The following CHLSN variants were observed in gnomAD, a reference collection of about 807,000 sequenced individuals.
The protein encoded by CHLSN is cholesin.
At chr7:1,096,181 G>A in the CHLSN span, among the ~76,000 whole-genome samples, 10 of 152,186 alleles carry the variant, frequency 6.6e-5, no homozygotes, top group Non-Finnish European at 1.3e-4. The surrounding 1 kb of genome is among the most constrained non-coding windows in gnomAD (Gnocchi z 4.6). Context: ...CCACTACGCC[G>A]CTCCTCTCCG....
At chr7:1,042,937 G>A in the CHLSN span, among the ~76,000 whole-genome samples, 1 of 152,072 alleles carries the variant, frequency 6.6e-6, no homozygotes, top group Non-Finnish European at 1.5e-5. Flanking sequence ...GGGCTAAGTT[G>A]CTTAAGTTTT....
At chr7:1,052,410 G>C in the CHLSN span, among the ~76,000 whole-genome samples, 1 of 152,352 alleles carries the variant, frequency 6.6e-6, no homozygotes, top group South Asian at 2.1e-4. This position sits in a 1 kb window ranked among gnomAD's most constrained non-coding sequence, Gnocchi z 4.2. Flanking sequence ...GTGGGTGGCA[G>C]GTCTTGAGGA....
chr7:1,100,563 A>G, the CHLSN span, among the ~76,000 whole-genome samples: 1 of 152,208 alleles, frequency 6.6e-6, no homozygotes, highest in Non-Finnish European at 1.5e-5. Flanking sequence ...TGCGCCCTCA[A>G]GAAGCCATGG....
chr7:979,460 G>A, the CHLSN span, among the ~76,000 whole-genome samples: 8 of 152,090 alleles, frequency 5.3e-5, no homozygotes, highest in Non-Finnish European at 7.4e-5. Context: ...TTTAAAAAAC[G>A]CAGTGATTTG....
At chr7:1,124,537 G>A in the CHLSN span, among the ~76,000 whole-genome samples, 1 of 134,752 alleles carries the variant, frequency 7.4e-6, no homozygotes, top group African/African-American at 2.8e-5. Flanking sequence ...AGGCTGTGAA[G>A]AAGGAGTGAG....
chr7:1,104,071 G>A, the CHLSN span, among the ~76,000 whole-genome samples: 1 of 152,242 alleles, frequency 6.6e-6, no homozygotes, highest in Non-Finnish European at 1.5e-5. Context: ...GGCACCCACA[G>A]GTTTCGCCCC....
chr7:1,110,825 G>A, the CHLSN span, among the ~76,000 whole-genome samples: 5,090 of 149,890 alleles, frequency 0.034, 279 homozygotes, highest in African/African-American at 0.12. Context: ...AAAAAAAAAA[G>A]CAAAAACCAC....
the CHLSN span, among the ~76,000 whole-genome samples, chr7:1,112,463 G>A: frequency 6.6e-6 from 1 of 152,224 alleles, no homozygotes; most frequent in African/African-American, 2.4e-5. Context: ...CCTGGAGAAA[G>A]AGACCACAGG....
chr7:1,029,025 C>G, the CHLSN span: 1 of 154,420 alleles, frequency 6.5e-6, no homozygotes, highest in African/African-American at 2.4e-5. Context: ...TGGCTGAATA[C>G]GTGGATGAGT....
At chr7:1,136,983 C>A in the CHLSN span, among the ~76,000 whole-genome samples, 1 of 152,182 alleles carries the variant, frequency 6.6e-6, no homozygotes, top group Middle Eastern at 3.2e-3. Context: ...CAAGCCACCA[C>A]CTCTCACGAT....
At chr7:1,006,324 G>T in the CHLSN span, among the ~76,000 whole-genome samples, 7 of 152,062 alleles carry the variant, frequency 4.6e-5, no homozygotes, top group Non-Finnish European at 7.4e-5. Context: ...CCACAGTGCA[G>T]GGAAAGAGCA....
the CHLSN span, chr7:987,202 G>A: frequency 1.3e-6 from 2 of 1,548,336 alleles, no homozygotes; most frequent in Non-Finnish European, 1.7e-6. Context: ...CGGCCACGCT[G>A]CAGTGGGCCG....
the CHLSN span, among the ~76,000 whole-genome samples, chr7:1,070,976 A>G: frequency 1.0e-4 from 15 of 150,714 alleles, no homozygotes; most frequent in Non-Finnish European, 1.9e-4. Context: ...ACACGGGCAC[A>G]TGCACACGGG....
At chr7:987,085 G>A in the CHLSN span, 2 of 1,501,116 alleles carry the variant, frequency 1.3e-6, no homozygotes, top group Non-Finnish European at 1.8e-6. Flanking sequence ...CATCCCACGA[G>A]CCCTGCCCCA....
chr7:1,129,523 G>C, the CHLSN span, among the ~76,000 whole-genome samples: 1 of 152,180 alleles, frequency 6.6e-6, no homozygotes, highest in African/African-American at 2.4e-5. Flanking sequence ...TCGGCTCACT[G>C]CGTCCTCAAA....
chr7:1,016,802 GCAGCA>G, the CHLSN span, among the ~76,000 whole-genome samples: 1 of 64,056 alleles, frequency 1.6e-5, no homozygotes, highest in Admixed American at 1.5e-4. Context: ...GCAGCACACA[GCAGCA>G]CACACCAGCG....
chr7:1,045,744 G>A, the CHLSN span: 1 of 152,252 alleles, frequency 6.6e-6, no homozygotes, highest in Non-Finnish European at 1.5e-5. Flanking sequence ...CCTCAATGAA[G>A]AAGGCCTCTG....
chr7:1,136,518 A>AGATATATATAAACATATATATG, the CHLSN span, among the ~76,000 whole-genome samples: 3 of 99,222 alleles, frequency 3.0e-5, no homozygotes, highest in Non-Finnish European at 6.7e-5. Context: ...AAACATATAT[A>AGATATATATAAACATATATATG]AATATATATA....
the CHLSN span, among the ~76,000 whole-genome samples, chr7:1,040,692 A>AC: frequency 0.055 from 1,442 of 26,234 alleles, 22 homozygotes; most frequent in African/African-American, 0.15. Context: ...AAAAAGAACA[A>AC]AAAAAAAAAA....
Sources: gnomAD v4.1 joint callset for allele counts (sites outside exome capture counted in the v4.1 genomes callset) on GRCh38, gnomAD v4.1.1 for gene constraint, Gnocchi (gnomAD v3.1) non-coding constraint, MANE v1.5 for transcripts, NCBI Gene and HGNC (gene_info 2026-07-23, HGNC 2026-07-21) for gene names.